ITSN1: variants seen among roughly 807,000 people sequenced by gnomAD.
ITSN1 encodes the protein intersectin 1.
Under a neutral mutation model 239.8 loss-of-function variants are expected in ITSN1, and 58 were observed. The observed-to-expected ratio is 0.24, with a 90% CI of 0.20 to 0.30. ITSN1 has a LOEUF of 0.30. Ranked by LOEUF, ITSN1 falls within the 10% of genes least tolerant of loss-of-function variation. The pLI, the probability that ITSN1 is intolerant of heterozygous loss-of-function variation, is 1.00. For missense variants in ITSN1, 1,558 were observed against 2,103.3 expected, an observed-to-expected ratio of 0.74 and a Z score of 5.07; for synonymous variants, 780 against 770.8, an observed-to-expected ratio of 1.01 and a Z score of -0.20.
chr21:33,774,178 A>G (rs929841766), intron 12 of ITSN1, among the ~76,000 whole-genome samples: 1 of 152,234 alleles, frequency 6.6e-6, no homozygotes, highest in Non-Finnish European at 1.5e-5. Context: ...AGACTGTCAG[A>G]TGCTCTGATA....
At chr21:33,768,470 G>A (rs1046714838) in intron 11 of ITSN1, among the ~76,000 whole-genome samples, 3 of 151,986 alleles carry the variant, frequency 2.0e-5, no homozygotes, top group Admixed American at 1.3e-4. Flanking sequence ...TAGTAGAGAT[G>A]GGGTTTCACC....
Position 33,865,894 on chromosome 21 carries a change from T to C in ITSN1, c.4074+560T>C, listed in dbSNP as rs1439689958. ...GTCCACCAGGGGATGTTTGGGGAGG[T>C]AATGCGGATACTGCTGGAAGACCTG... is the stretch of plus-strand genomic sequence containing the variant. On this transcript the variant is annotated intron_variant, in intron 32 of 39. Coordinates refer to ENST00000381318, the MANE Select transcript of ITSN1 (RefSeq NM_003024.3). The surrounding 1 kb of genome is among the most constrained non-coding windows in gnomAD (Gnocchi z 4.4). Among the ~76,000 whole-genome samples the C allele has an allele frequency of 6.6e-6, 1 of 151,798 alleles. No homozygotes were observed. Among genetic ancestry groups the C allele is most frequent in the Non-Finnish European group, 1.5e-5 (1 of 67,964 alleles).
At chr21:33,677,473 G>T (rs901873043) in intron 1 of ITSN1, among the ~76,000 whole-genome samples, 1 of 151,902 alleles carries the variant, frequency 6.6e-6, no homozygotes, top group Non-Finnish European at 1.5e-5. Context: ...CCGAGTACCT[G>T]GGATTACAGT....
chr21:33,770,466 G>T lies in ITSN1; in HGVS notation c.1043-1595G>T, dbSNP rs191679561. On this transcript the variant is annotated intron_variant, in intron 11 of 39. Transcript: ENST00000381318. ...TTTGGTGAGGCGACACAAACATTCA[G>T]TTCCTAACAATGACATTTAGTGCAT... Among the ~76,000 whole-genome samples the T allele has an allele frequency of 4.6e-5, 7 of 152,288 alleles. No homozygotes were observed. In the East Asian group the frequency reaches 1.4e-3, roughly 29 times the overall value.
At chr21:33,694,646 C>T (rs377604375) in intron 1 of ITSN1, among the ~76,000 whole-genome samples, 67 of 152,138 alleles carry the variant, frequency 4.4e-4, no homozygotes, top group Middle Eastern at 6.8e-3. Context: ...CATGGCGAAA[C>T]CCCGTCTCTA....
At chr21:33,679,698 C>CTTTTTTTTTT (rs34301203) in intron 1 of ITSN1, among the ~76,000 whole-genome samples, 13 of 86,316 alleles carry the variant, frequency 1.5e-4, no homozygotes, top group South Asian at 4.5e-4. Context: ...GATCCTTATC[C>CTTTTTTTTTT]TTTTTTTTTT....
intron 1 of ITSN1, among the ~76,000 whole-genome samples, chr21:33,647,860 C>T (rs73197971): frequency 0.085 from 12,984 of 152,250 alleles, 785 homozygotes; most frequent in East Asian, 0.26. Flanking sequence ...TTTTCCTCCA[C>T]GGTTACTTAT....
chr21:33,893,376 G>A lies in ITSN1; in HGVS notation c.*5076G>A, dbSNP rs1317024708. 2.0e-5 allele frequency: 3 copies of A among 152,174 alleles called. No homozygotes were observed. Among genetic ancestry groups the A allele is most frequent in the Non-Finnish European group, 4.4e-5 (3 of 68,048 alleles). The allele number at this position is 152,174 out of a possible 1,614,324, so 9.4% of individuals were successfully genotyped here. A position where few individuals can be genotyped will look rare whatever the true frequency, so the allele number is the denominator to read the frequency against. ...GGGCTGAGGCAGGTGGATCACCTGA[G>A]GTCAGGAGTTCGAGAACAGCCTGGC... On this transcript the variant is annotated 3_prime_UTR_variant, in exon 40 of 40. Transcript: ENST00000381318.
At chr21:33,734,465 G>A (rs1320543793) in intron 4 of ITSN1, among the ~76,000 whole-genome samples, 1 of 152,128 alleles carries the variant, frequency 6.6e-6, no homozygotes. Context: ...AGTTTCAAGA[G>A]CTTTAGAGGT....
intron 12 of ITSN1, among the ~76,000 whole-genome samples, chr21:33,773,300 G>T (rs769086841): frequency 3.9e-5 from 6 of 152,148 alleles, no homozygotes; most frequent in African/African-American, 1.4e-4. Context: ...GAGCCACCGC[G>T]CCTGGCCCAT....
intron 1 of ITSN1, among the ~76,000 whole-genome samples, chr21:33,650,086 T>C (rs559608937): frequency 6.6e-6 from 1 of 151,270 alleles, no homozygotes; most frequent in South Asian, 2.1e-4. Context: ...ACACAGCAAG[T>C]GGTCAGAATT....
At chr21:33,771,934 A>G (rs945648143) in intron 11 of ITSN1, 127 bp from the exon 12 acceptor site, 1 of 1,012,182 alleles carries the variant, frequency 9.9e-7, no homozygotes, top group Non-Finnish European at 1.4e-6. Flanking sequence ...TAACAAGGAC[A>G]CAGAAGCTTA....
At chr21:33,780,529 T>G (rs2070077381) in intron 14 of ITSN1, among the ~76,000 whole-genome samples, 1 of 152,196 alleles carries the variant, frequency 6.6e-6, no homozygotes, top group South Asian at 2.1e-4. Context: ...AGTTAACTCT[T>G]TCTACCATTT....
chr21:33,661,539 T>G (rs2089556897), intron 1 of ITSN1, among the ~76,000 whole-genome samples: 1 of 152,148 alleles, frequency 6.6e-6, no homozygotes, highest in Non-Finnish European at 1.5e-5. Flanking sequence ...CCCACCATTG[T>G]TTTTGTATCA....
chr21:33,895,645 G>A lies in ITSN1; in HGVS notation c.*7345G>A, dbSNP rs1370535863. On this transcript the variant is annotated 3_prime_UTR_variant, in exon 40 of 40. Transcript: ENST00000381318. ...TTTGTGTGTGTGCGTGTGTGTGCGT[G>A]TGTATGTGCGTGTATGCATGTGCAT... 3 of 148,794 alleles carry A rather than the reference G, an allele frequency of 2.0e-5. No homozygotes were observed. The highest frequency in any genetic ancestry group is 7.7e-5 in the African/African-American group (3 of 39,020). The allele number at this position is 148,794 out of a possible 1,614,324, so 9.2% of individuals were successfully genotyped here.
At chr21:33,658,876 T>C (rs972072066) in intron 1 of ITSN1, among the ~76,000 whole-genome samples, 2 of 152,220 alleles carry the variant, frequency 1.3e-5, no homozygotes, top group Non-Finnish European at 2.9e-5. Context: ...CCAAAATCTT[T>C]GGAATTTCCT....
chr21:33,879,612 C>G (rs1186004010), intron 34 of ITSN1, among the ~76,000 whole-genome samples: 1 of 152,236 alleles, frequency 6.6e-6, no homozygotes, highest in Non-Finnish European at 1.5e-5. Context: ...CCTTCCCCGA[C>G]TCTGACAGCT....
At chr21:33,847,936 C>T (rs908862186) in intron 29 of ITSN1, among the ~76,000 whole-genome samples, 4 of 152,164 alleles carry the variant, frequency 2.6e-5, no homozygotes, top group South Asian at 2.1e-4. Context: ...CCAGCCAGTC[C>T]GGTTTAGTTG....
chr21:33,730,726 A>G lies in ITSN1; in HGVS notation c.186-4318A>G, dbSNP rs1288481467. ...GTTTTTTTGTTTTTGTTTTTGTTTG[A>G]GATGGAGTCTTGCTCCGTCACCCAG... On this transcript the variant is annotated intron_variant, in intron 4 of 39. Transcript: ENST00000381318. Among the ~76,000 whole-genome samples, 51 of 140,484 alleles carry G rather than the reference A, an allele frequency of 3.6e-4. No individual in the cohort carries two copies. The Admixed American group carries it at 3.8e-3, about 10-fold the overall frequency. The allele number at this position is 140,484 out of a possible 152,430, so 92.2% of individuals were successfully genotyped here.
Sources: gnomAD v4.1 joint callset for allele counts (sites outside exome capture counted in the v4.1 genomes callset) on GRCh38, gnomAD v4.1.1 for gene constraint, Gnocchi (gnomAD v3.1) non-coding constraint, MANE v1.5 for transcripts, NCBI Gene and HGNC (gene_info 2026-07-23, HGNC 2026-07-21) for gene names.